BCAP29: variants seen among roughly 807,000 people sequenced by gnomAD.
The protein encoded by BCAP29 is B-cell receptor-associated protein 29.
A neutral mutation model predicts 31.8 loss-of-function variants in BCAP29; 34 were observed. The ratio of observed to expected loss-of-function variants is 1.07; its 90% confidence interval spans 0.81 to 1.42. The LOEUF is 1.42. Among genes scored for constraint, BCAP29 ranks in the 40% most tolerant of loss-of-function variants. The pLI, the probability that BCAP29 is intolerant of heterozygous loss-of-function variation, is 0.00. For synonymous variants in BCAP29, 104 were observed against 91.3 expected (o/e 1.14, Z -0.79); for missense variants, 314 against 269.2 (o/e 1.17, Z -1.16).
intron 2 of BCAP29, among the ~76,000 whole-genome samples, chr7:107,581,336 T>C (rs1161216821): frequency 6.6e-6 from 1 of 152,218 alleles, no homozygotes; most frequent in Non-Finnish European, 1.5e-5. Context: ...TTGTAACCGT[T>C]AGTTTCATTA....
chr7:107,618,309 C>T lies in BCAP29; in HGVS notation c.691-19C>T. On this transcript the variant is annotated intron_variant, in intron 7 of 7. Coordinates refer to ENST00000005259, the MANE Select transcript of BCAP29 (RefSeq NM_018844.4). ...TTTCTCTTTGCTGTACTACATAAATCATATTTTTTTCCTTACAGGATCGTT... is the reference window on the plus strand; with the variant it reads ...TTTCTCTTTGCTGTACTACATAAATTATATTTTTTTCCTTACAGGATCGTT... The T allele has an allele frequency of 6.5e-7, 1 of 1,536,930 alleles. No homozygotes were observed. The highest frequency in any genetic ancestry group is 8.8e-7 in the Non-Finnish European group (1 of 1,138,240).
In BCAP29 at chr7:107,594,075, A is replaced by G; in HGVS notation, c.314A>G (p.Tyr105Cys). Residue 105 changes from tyrosine to cysteine, a missense_variant, in exon 4 of 8, where the codon TAC becomes TGC. By Grantham distance (194) the Tyr-to-Cys change is radical. Coordinates refer to ENST00000005259, the MANE Select transcript of BCAP29 (RefSeq NM_018844.4). ...CTTTTTAGGTCTCAAAGAAATCTTT[A>G]CATTTCTGGATTTTCCCTATTTTTT... ...MKLFRSQRNL[Y>C]ISGFSLFFWL... 1 of 1,612,552 alleles carries G rather than the reference A, an allele frequency of 6.2e-7. No homozygotes were observed. Among genetic ancestry groups the G allele is most frequent in the Non-Finnish European group, 8.5e-7 (1 of 1,179,180 alleles).
chr7:107,596,801 T>TA (rs34297242), intron 5 of BCAP29, among the ~76,000 whole-genome samples: 2 of 152,196 alleles, frequency 1.3e-5, no homozygotes, highest in African/African-American at 2.4e-5. Flanking sequence ...CTTGCCCTTT[T>TA]AAAAAAAGCA....
intron 7 of BCAP29, among the ~76,000 whole-genome samples, chr7:107,618,084 G>GA (rs1268208641): frequency 6.6e-6 from 1 of 152,088 alleles, no homozygotes; most frequent in East Asian, 1.9e-4. Flanking sequence ...TGTAACCTGT[G>GA]AAACAAAAGC....
At chr7:107,608,221 G>A (rs1453133545) in intron 6 of BCAP29, among the ~76,000 whole-genome samples, 1 of 151,916 alleles carries the variant, frequency 6.6e-6, no homozygotes, top group East Asian at 1.9e-4. Context: ...AAATAAGAAA[G>A]GGAAGTTACG....
chr7:107,615,469 G>T (rs189481797), intron 7 of BCAP29: 94 of 364,050 alleles, frequency 2.6e-4, no homozygotes, highest in Non-Finnish European at 4.6e-4. Flanking sequence ...GGTGGCAAGT[G>T]CCTGTAATCC....
At chr7:107,596,410 ATGAT>A (rs1307113136) in intron 5 of BCAP29, among the ~76,000 whole-genome samples, 3 of 152,106 alleles carry the variant, frequency 2.0e-5, no homozygotes, top group African/African-American at 7.2e-5. Flanking sequence ...TTTCTTTTAA[ATGAT>A]TGGTTTATAG....
chr7:107,622,029 GAT>G, downstream of BCAP29: 1 of 448,186 alleles, frequency 2.2e-6, no homozygotes, highest in Non-Finnish European at 4.6e-6. Flanking sequence ...ATAAGTCAAA[GAT>G]AGCCTTAGCC....
downstream of BCAP29, chr7:107,622,757 T>G (rs1462737121): frequency 6.6e-6 from 1 of 152,186 alleles, no homozygotes; most frequent in Non-Finnish European, 1.5e-5. Context: ...TGGATAGAAG[T>G]CAGGGAGGCT....
chr7:107,618,079 C>T (rs1814509904), intron 7 of BCAP29, among the ~76,000 whole-genome samples: 1 of 152,064 alleles, frequency 6.6e-6, no homozygotes, highest in Non-Finnish European at 1.5e-5. Flanking sequence ...CCTAATGTAA[C>T]CTGTGAAACA....
chr7:107,607,296 A>G (rs1375796592), intron 6 of BCAP29, among the ~76,000 whole-genome samples: 2 of 152,206 alleles, frequency 1.3e-5, no homozygotes, highest in African/African-American at 4.8e-5. Flanking sequence ...CAGTCTGGGC[A>G]ACAGAGTAAG....
At chr7:107,590,131 T>C (rs1024423409) in intron 3 of BCAP29, among the ~76,000 whole-genome samples, 5 of 152,188 alleles carry the variant, frequency 3.3e-5, no homozygotes, top group Non-Finnish European at 5.9e-5. Context: ...ATTAAAGCAC[T>C]GCTTAAAGGA....
At chr7:107,601,259 A>G (rs765440914) in intron 6 of BCAP29, among the ~76,000 whole-genome samples, 4 of 152,234 alleles carry the variant, frequency 2.6e-5, no homozygotes, top group Non-Finnish European at 5.9e-5. Context: ...TACAACAGAT[A>G]GTTTTTTATG....
At chr7:107,607,693 G>T (rs1286543072) in intron 6 of BCAP29, among the ~76,000 whole-genome samples, 1 of 145,430 alleles carries the variant, frequency 6.9e-6, no homozygotes. Flanking sequence ...CTGGAGTGCA[G>T]TGGCGCAATC....
At chr7:107,593,767 C>T (rs1169110507) in intron 3 of BCAP29, among the ~76,000 whole-genome samples, 188 bp from the exon 4 acceptor site, 1 of 152,086 alleles carries the variant, frequency 6.6e-6, no homozygotes, top group Non-Finnish European at 1.5e-5. Flanking sequence ...CTACTAGTGT[C>T]CATTTATAGA....
chr7:107,581,582 G>A (rs1031133159), intron 2 of BCAP29, among the ~76,000 whole-genome samples: 1 of 152,128 alleles, frequency 6.6e-6, no homozygotes, highest in Non-Finnish European at 1.5e-5. Context: ...TATGAATGGG[G>A]AAATACACAT....
intron 6 of BCAP29, among the ~76,000 whole-genome samples, chr7:107,607,483 C>T (rs2129276294): frequency 6.6e-6 from 1 of 151,968 alleles, no homozygotes; most frequent in East Asian, 1.9e-4. Flanking sequence ...CTCATACTTC[C>T]CATCCCCCTC....
downstream of BCAP29, chr7:107,622,357 TCTA>T (rs1283090472): frequency 6.5e-6 from 1 of 154,282 alleles, no homozygotes; most frequent in Non-Finnish European, 1.4e-5. Flanking sequence ...CAGGCTCCCA[TCTA>T]CTTTTCAGCC....
At chr7:107,622,591 GAT>G (rs1379807367), downstream of BCAP29, 1 of 152,224 alleles carries the variant, frequency 6.6e-6, no homozygotes, top group Non-Finnish European at 1.5e-5. Flanking sequence ...CATCTGAAAT[GAT>G]CTCATTTATG....
Sources: gnomAD v4.1 joint callset for allele counts (sites outside exome capture counted in the v4.1 genomes callset) on GRCh38, gnomAD v4.1.1 for gene constraint, MANE v1.5 for transcripts, NCBI Gene and HGNC (gene_info 2026-07-23, HGNC 2026-07-21) for gene names.